SRRD: variants seen among roughly 807,000 people sequenced by gnomAD.
SRRD encodes the protein SRR1-like protein.
In SRRD, 28 loss-of-function variants were observed where a neutral mutation model predicts 30.7. The observed-to-expected ratio is 0.91, with a 90% CI of 0.68 to 1.25. The LOEUF is 1.25. Among genes scored for constraint, SRRD ranks in the 50% most tolerant of loss-of-function variants. The pLI is 0.00. For synonymous variants in SRRD, 161 were observed against 159.6 expected (o/e 1.01, Z -0.07); for missense variants, 415 against 417.3 (o/e 0.99, Z 0.05).
rs190854539 is a variant in SRRD, at chr22:26,494,156, G to T, written c.*2484G>T. ...TCACTTACCAACGTTGGAGGACACC[G>T]CCCGGTTCATGATATCAAGTGCCTC... is the stretch of plus-strand genomic sequence containing the variant. On this transcript the variant is annotated 3_prime_UTR_variant, in exon 7 of 7. Coordinates refer to ENST00000215917, the MANE Select transcript of SRRD (RefSeq NM_001013694.3). 6.2e-7 allele frequency: 1 copy of T among 1,614,098 alleles called. No individual in the cohort carries two copies. The highest frequency in any genetic ancestry group is 8.5e-7 in the Non-Finnish European group (1 of 1,179,978).
At chr22:26,485,090 G>T (rs1486705388) in intron 1 of SRRD, among the ~76,000 whole-genome samples, 1 of 152,172 alleles carries the variant, frequency 6.6e-6, no homozygotes, top group Non-Finnish European at 1.5e-5. Context: ...GAGGATGCCA[G>T]TGAGAGTGAA....
rs2147113897 is a variant in SRRD, at chr22:26,491,808, G to A, written c.*136G>A. On this transcript the variant is annotated 3_prime_UTR_variant, in exon 7 of 7. Coordinates refer to ENST00000215917, the MANE Select transcript of SRRD (RefSeq NM_001013694.3). ...AACTTGGCTGTCCTGTTTTGAGGAC[G>A]ATACCCCACATGAGGACTTGGTATA... 2 of 947,798 alleles carry A rather than the reference G, an allele frequency of 2.1e-6. No individual in the cohort carries two copies. Among genetic ancestry groups the A allele is most frequent in the African/African-American group, 1.7e-5 (1 of 60,434 alleles). 58.7% of individuals were successfully genotyped at this position (947,798 alleles called of 1,614,324 possible).
Position 26,492,233 on chromosome 22 carries a change from G to T in SRRD, c.*561G>T, listed in dbSNP as rs763682219. ...AAAGTTCATGGGCACAGAGCTAGCG[G>T]CCACGCCAATGCCCCTCTGAGCCAT... On this transcript the variant is annotated 3_prime_UTR_variant, in exon 7 of 7. Coordinates refer to ENST00000215917, the MANE Select transcript of SRRD (RefSeq NM_001013694.3). 3.7e-6 allele frequency: 6 copies of T among 1,614,220 alleles called. No homozygotes were observed. The South Asian group carries it at 6.6e-5, about 18-fold the overall frequency.
chr22:26,489,523 A>G (rs749773984), intron 4 of SRRD, among the ~76,000 whole-genome samples: 9 of 152,002 alleles, frequency 5.9e-5, no homozygotes, highest in Non-Finnish European at 1.2e-4. Flanking sequence ...GGGAAGCTGC[A>G]AGGAGAGGAG....
chr22:26,491,401 C>T, intron 6 of SRRD, 62 bp from the exon 7 acceptor site: 1 of 1,283,692 alleles, frequency 7.8e-7, no homozygotes, highest in East Asian at 2.3e-5. Context: ...GGAAATTTAT[C>T]CCAGAAGAGT....
intron 6 of SRRD, 98 bp downstream of exon 6, chr22:26,491,168 G>A: frequency 8.1e-7 from 1 of 1,236,876 alleles, no homozygotes. Flanking sequence ...CATGGGCTAA[G>A]TGGCGCTAGT....
In SRRD at chr22:26,488,602, G is replaced by A. The variant is rs116004807; in HGVS notation, c.609+114G>A. 0.012 allele frequency: 9,653 copies of A among 785,000 alleles called. 605 individuals are homozygous for A. In the African/African-American group the frequency reaches 0.14, roughly 12 times the overall value. 48.6% of individuals were successfully genotyped at this position (785,000 alleles called of 1,614,324 possible). The stretch of plus-strand genomic sequence containing the variant: ...CAGTGGCAGCCATTCCTCTCTTACC[G>A]CCTGCTCACTTTTGTAGTGCCTGAA... On this transcript the variant is annotated intron_variant, in intron 4 of 6. Coordinates refer to ENST00000215917, the MANE Select transcript of SRRD (RefSeq NM_001013694.3).
At chr22:26,484,490 T>C (rs2091649623) in intron 1 of SRRD, among the ~76,000 whole-genome samples, 1 of 152,212 alleles carries the variant, frequency 6.6e-6, no homozygotes, top group South Asian at 2.1e-4. Flanking sequence ...GTTGATATTA[T>C]TGGTGGTGGT....
At chr22:26,485,522 T>C (rs1255284705) in intron 1 of SRRD, among the ~76,000 whole-genome samples, 2 of 152,250 alleles carry the variant, frequency 1.3e-5, no homozygotes, top group Non-Finnish European at 2.9e-5. Flanking sequence ...ACACTTGGTT[T>C]TGTCTCTTTA....
At chr22:26,487,521 G>C (rs1298007802) in intron 2 of SRRD, among the ~76,000 whole-genome samples, 1 of 151,884 alleles carries the variant, frequency 6.6e-6, no homozygotes, top group Non-Finnish European at 1.5e-5. Flanking sequence ...CAGTACGCCT[G>C]ACTAATTTTT....
chr22:26,490,010 G>A (rs1230536338), intron 4 of SRRD, 34 bp from the exon 5 acceptor site: 1 of 1,611,496 alleles, frequency 6.2e-7, no homozygotes. Context: ...ATAGGTTGTG[G>A]GCATGTTTAC....
chr22:26,490,539 C>T (rs570126764), intron 5 of SRRD, among the ~76,000 whole-genome samples: 1 of 121,948 alleles, frequency 8.2e-6, no homozygotes, highest in Admixed American at 9.4e-5. Context: ...ATGAAATGGG[C>T]ACAATTACTG....
At chr22:26,487,930 A>G in intron 2 of SRRD, 99 bp from the exon 3 acceptor site, 4 of 1,371,096 alleles carry the variant, frequency 2.9e-6, no homozygotes, top group Non-Finnish European at 3.9e-6. Flanking sequence ...TACTGCCCTG[A>G]TCTCTTTCTC....
At chr22:26,486,944 C>CG (rs2091713377) in intron 2 of SRRD, among the ~76,000 whole-genome samples, 1 of 130,912 alleles carries the variant, frequency 7.6e-6, no homozygotes, top group Non-Finnish European at 1.6e-5. Flanking sequence ...TCTTTTGAGA[C>CG]GGAGTCTCAC....
In SRRD at chr22:26,484,363, G is replaced by A. The variant is rs2091645019; in HGVS notation, c.209+264G>A. ...TCAGTTTTCTCATCTGTGAGATGGG[G>A]ATGAAAATAGTACATACGTAGGTTT... is the stretch of plus-strand genomic sequence containing the variant. On this transcript the variant is annotated intron_variant, in intron 1 of 6. Coordinates refer to ENST00000215917, the MANE Select transcript of SRRD (RefSeq NM_001013694.3). Among the ~76,000 whole-genome samples the A allele has an allele frequency of 2.0e-5, 3 of 152,174 alleles. No individual in the cohort carries two copies. The South Asian group carries it at 6.2e-4, about 32-fold the overall frequency.
At position 26,494,026 on chromosome 22, in the gene SRRD, G is replaced by T. The variant is rs1921589903; in HGVS notation, c.*2354G>T. On this transcript the variant is annotated 3_prime_UTR_variant, in exon 7 of 7. Transcript: ENST00000215917. The stretch of plus-strand genomic sequence containing the variant: ...AGTCTGTTGCTATGTGCAAAAGTGT[G>T]ACCTAAGGTTTAGGCTGCCTACAGG... The T allele has an allele frequency of 9.8e-6, 12 of 1,230,248 alleles. No individual in the cohort carries two copies. In the South Asian group the frequency reaches 1.6e-4, roughly 17 times the overall value. 76.2% of individuals were successfully genotyped at this position (1,230,248 alleles called of 1,614,324 possible). A position where few individuals can be genotyped will look rare whatever the true frequency, so the allele number is the denominator to read the frequency against.
Position 26,486,083 on chromosome 22 carries a change from T to C in SRRD, c.250+20T>C. On this transcript the variant is annotated intron_variant, in intron 2 of 6. Coordinates refer to ENST00000215917, the MANE Select transcript of SRRD (RefSeq NM_001013694.3). Reference sequence around the variant, plus strand: ...CACTAGGTGGGTACCACTTGGCCAATGGTAGGGATTGTGGGGCAGAAAAGA... The same window carrying C: ...CACTAGGTGGGTACCACTTGGCCAACGGTAGGGATTGTGGGGCAGAAAAGA... 6.2e-7 allele frequency: 1 copy of C among 1,611,612 alleles called. No individual in the cohort carries two copies. The highest frequency in any genetic ancestry group is 8.5e-7 in the Non-Finnish European group (1 of 1,177,890).
At position 26,484,096 on chromosome 22, in the gene SRRD, CTGAG is replaced by C. The variant is rs777257505; in HGVS notation, c.209+4_209+7del. On this transcript the variant is annotated splice_donor_variant and coding_sequence_variant, in exon 1 of 7. Transcript: ENST00000215917. LOFTEE classifies it high-confidence loss of function. ...GTCGTGCTTCGTCGCATCTGGGAGG[CTGAG>C]TGAGTGCAGGCTCGGCCCTGATGGA... The C allele has an allele frequency of 7.3e-6, 11 of 1,512,304 alleles. No homozygotes were observed. The highest frequency in any genetic ancestry group is 4.3e-5 in the African/African-American group (3 of 70,016). The allele number at this position is 1,512,304 out of a possible 1,614,324, so 93.7% of individuals were successfully genotyped here.
At position 26,492,481 on chromosome 22, in the gene SRRD, G is replaced by C. The variant is rs114418963; in HGVS notation, c.*809G>C. ...GCCAGAGTGCTTGTGACTCACTGAA[G>C]GGCAGCTCTGCCTCAAAGATACAAC... On this transcript the variant is annotated 3_prime_UTR_variant, in exon 7 of 7. Transcript: ENST00000215917. 2.3e-3 allele frequency: 2,052 copies of C among 906,566 alleles called. 28 individuals are homozygous for C. The African/African-American group carries it at 0.028, about 12-fold the overall frequency. The allele number at this position is 906,566 out of a possible 1,614,324, so 56.2% of individuals were successfully genotyped here. A position where few individuals can be genotyped will look rare whatever the true frequency, so the allele number is the denominator to read the frequency against.
Sources: allele counts gnomAD v4.1 joint callset (sites outside exome capture counted in the v4.1 genomes callset), GRCh38; gene constraint gnomAD v4.1.1; transcripts MANE v1.5; gene names NCBI Gene and HGNC (gene_info 2026-07-23, HGNC 2026-07-21).